The following RAD9B variants were observed in gnomAD, a reference collection of about 807,000 sequenced individuals.
RAD9B encodes the protein RAD9 checkpoint clamp component B.
RAD9B carries 41 observed loss-of-function variants against 48.3 expected under a neutral mutation model. The ratio of observed to expected loss-of-function variants is 0.85; its 90% CI spans 0.66 to 1.10. The LOEUF (loss-of-function observed/expected upper bound fraction) is 1.10. Among genes scored for constraint, RAD9B ranks in the 50% least tolerant of loss-of-function variants. RAD9B has a pLI of 0.00. For missense variants in RAD9B, 444 were observed against 485.1 expected, an observed-to-expected ratio of 0.92 and a Z score of 0.80; for synonymous variants, 160 against 157.9, an observed-to-expected ratio of 1.01 and a Z score of -0.10.
chr12:110,519,689 G>A (rs1479935479), intron 8 of RAD9B, 105 bp from the exon 9 acceptor site: 3 of 1,300,162 alleles, frequency 2.3e-6, no homozygotes, highest in Admixed American at 5.4e-5. Context: ...ACCCGCCTTG[G>A]CCTCCCCTGT....
chr12:110,503,420 G>T, intron 1 of RAD9B: 1 of 180,648 alleles, frequency 5.5e-6, no homozygotes, highest in South Asian at 9.8e-5. Context: ...TGGCTATCAA[G>T]CTATTAAAAC....
chr12:110,505,835 C>T, intron 3 of RAD9B, 63 bp downstream of exon 3: 2 of 1,298,786 alleles, frequency 1.5e-6, no homozygotes, highest in Non-Finnish European at 2.2e-6. Context: ...TAGGACATAA[C>T]CTGTATTCTA....
In RAD9B at chr12:110,532,855, T is replaced by TG. The variant is rs1379675601; in HGVS notation, c.*2203dup. On this transcript the variant is annotated 3_prime_UTR_variant, in exon 11 of 11. Transcript: ENST00000409300. Reference sequence around the variant, plus strand: ...CAACAGGCTATTCATATAGCCCAGATGTGTAGTAGGCTAGACCATCTAGGC... The same window carrying TG: ...CAACAGGCTATTCATATAGCCCAGATGGTGTAGTAGGCTAGACCATCTAGGC... Among the ~76,000 whole-genome samples the TG allele has an allele frequency of 7.2e-5, 11 of 152,234 alleles. No homozygotes were observed. Among genetic ancestry groups the TG allele is most frequent in the African/African-American group, 2.7e-4 (11 of 41,456 alleles).
chr12:110,531,708 T>A lies in RAD9B; in HGVS notation c.*1055T>A. 1 of 1,430,710 alleles carries A rather than the reference T, an allele frequency of 7.0e-7. No individual in the cohort carries two copies. Among genetic ancestry groups the A allele is most frequent in the Non-Finnish European group, 9.6e-7 (1 of 1,042,124 alleles). 88.6% of individuals were successfully genotyped at this position (1,430,710 alleles called of 1,614,324 possible). A position where few individuals can be genotyped will look rare whatever the true frequency, so the allele number is the denominator to read the frequency against. ...GTGGAAGACAAATGTCTCTGTTCTT[T>A]GGCCCTTTAAGAGTTAGCTTTTTAC... On this transcript the variant is annotated 3_prime_UTR_variant, in exon 11 of 11. Transcript: ENST00000409300.
rs2064151379 is a variant in RAD9B, at chr12:110,531,934, T to C, written c.*1281T>C. 3.2e-6 allele frequency: 1 copy of C among 317,134 alleles called. No homozygotes were observed. The highest frequency in any genetic ancestry group is 4.5e-5 in the South Asian group (1 of 22,158). 19.6% of individuals were successfully genotyped at this position (317,134 alleles called of 1,614,324 possible). On this transcript the variant is annotated 3_prime_UTR_variant, in exon 11 of 11. Transcript: ENST00000409300. ...TGGCAAGCAGTTGTACTTTAGACTTTGTGAGAAATTCATAAAGGTGGCTGA... is the reference window on the plus strand; with the variant it reads ...TGGCAAGCAGTTGTACTTTAGACTTCGTGAGAAATTCATAAAGGTGGCTGA...
At chr12:110,519,043 C>G (rs1173385332) in intron 8 of RAD9B, 105 bp downstream of exon 8, 5 of 746,392 alleles carry the variant, frequency 6.7e-6, no homozygotes, top group Non-Finnish European at 1.1e-5. Context: ...AATACCTAAA[C>G]TTTACTATTA....
intron 9 of RAD9B, among the ~76,000 whole-genome samples, chr12:110,521,128 T>C (rs1178888557): frequency 6.6e-6 from 1 of 152,088 alleles, no homozygotes. Context: ...CTTTCAGACT[T>C]AATTTTGTGT....
intron 3 of RAD9B, 54 bp downstream of exon 3, chr12:110,505,826 A>G: frequency 7.1e-7 from 1 of 1,406,604 alleles, no homozygotes; most frequent in Non-Finnish European, 9.9e-7. Flanking sequence ...TTCATTATAT[A>G]GGACATAACC....
intron 2 of RAD9B, 147 bp downstream of exon 2, chr12:110,504,023 A>C: frequency 1.9e-6 from 1 of 535,668 alleles, no homozygotes. Context: ...GAATACACTT[A>C]GAGCATGGTA....
rs370227201 is a variant in RAD9B at position 110,506,541 on chromosome 12, T to C, written c.274-38T>C. ...TTTTGTTTCTAAAATGAATCAACCA[T>C]GTTAAGTATGTGCTTAATATGTATA... On this transcript the variant is annotated intron_variant, in intron 3 of 10. Coordinates refer to ENST00000409300, the MANE Select transcript of RAD9B (RefSeq NM_001286535.2). The C allele has an allele frequency of 2.3e-4, 228 of 989,556 alleles. 1 individual carries two copies. Among genetic ancestry groups the C allele is most frequent in the South Asian group, 7.8e-4 (60 of 76,870 alleles). 61.3% of individuals were successfully genotyped at this position (989,556 alleles called of 1,614,324 possible).
chr12:110,509,072 C>T (rs2063380262), intron 4 of RAD9B, among the ~76,000 whole-genome samples: 1 of 152,180 alleles, frequency 6.6e-6, no homozygotes, highest in African/African-American at 2.4e-5. Flanking sequence ...TCACGCCATT[C>T]TCCTGCCTCA....
Position 110,518,860 on chromosome 12 carries a change from T to G in RAD9B, c.703-14T>G. The G allele has an allele frequency of 1.3e-6, 2 of 1,575,582 alleles. No individual in the cohort carries two copies. The highest frequency in any genetic ancestry group is 1.4e-5 in the African/African-American group (1 of 73,466). On this transcript the variant is annotated splice_polypyrimidine_tract_variant and intron_variant, in intron 7 of 10. Transcript: ENST00000409300. ...ATAAGGATTTTAAGTTTTTTTCTTC[T>G]TTTCTTTTTTCAGGGAATACTGACA...
At chr12:110,507,008 T>A (rs1407594993) in intron 4 of RAD9B, among the ~76,000 whole-genome samples, 1 of 151,924 alleles carries the variant, frequency 6.6e-6, no homozygotes, top group African/African-American at 2.4e-5. Flanking sequence ...CCCAGCTAAT[T>A]TTTGTATTTT....
intron 4 of RAD9B, among the ~76,000 whole-genome samples, chr12:110,507,488 TACATA>T (rs1370214090): frequency 1.7e-4 from 2 of 11,692 alleles, no homozygotes; most frequent in East Asian, 0.042. Context: ...TTAAATATAA[TACATA>T]ATATATGTAT....
At chr12:110,527,219 C>A (rs1040219146) in intron 10 of RAD9B, among the ~76,000 whole-genome samples, 1 of 152,118 alleles carries the variant, frequency 6.6e-6, no homozygotes, top group African/African-American at 2.4e-5. Flanking sequence ...CAGCAACGGC[C>A]GTTTTTTCCA....
At position 110,502,363 on chromosome 12, in the gene RAD9B, T is replaced by C. The variant is rs1386201081; in HGVS notation, c.26T>C (p.Met9Thr). The C allele has an allele frequency of 1.2e-6, 2 of 1,613,846 alleles. No homozygotes were observed. The highest frequency in any genetic ancestry group is 8.5e-7 in the Non-Finnish European group (1 of 1,179,848). The change falls in exon 1 of 11, where the codon ATG becomes ACG. Residue 9 changes from methionine to threonine, a missense_variant. Met to Thr is a moderately conservative substitution (Grantham distance 81). Coordinates refer to ENST00000409300, the MANE Select transcript of RAD9B (RefSeq NM_001286535.2). ...ATGGCAGCCATGCTGAAGTGCGTGA[T>C]GAGCGGCAGTCAGGTGAAAGGTGGA... MAAMLKCV[M>T]SGSQVKVFGK...
intron 4 of RAD9B, among the ~76,000 whole-genome samples, chr12:110,511,947 A>G (rs543369992): frequency 6.6e-6 from 1 of 152,006 alleles, no homozygotes; most frequent in Non-Finnish European, 1.5e-5. Flanking sequence ...CCTGGGTTCA[A>G]GTGATTCTCC....
At chr12:110,520,978 G>A (rs1391339909) in intron 9 of RAD9B, among the ~76,000 whole-genome samples, 1 of 151,480 alleles carries the variant, frequency 6.6e-6, no homozygotes, top group African/African-American at 2.4e-5. Flanking sequence ...CTTTTCTTTT[G>A]GGGGAAGAAT....
intron 10 of RAD9B, among the ~76,000 whole-genome samples, chr12:110,526,541 G>A (rs1052695833): frequency 6.6e-6 from 1 of 152,184 alleles, no homozygotes; most frequent in Non-Finnish European, 1.5e-5. Context: ...AGACACAGGT[G>A]CTGTATTTAG....
Sources: allele counts gnomAD v4.1 joint callset (sites outside exome capture counted in the v4.1 genomes callset), GRCh38; gene constraint gnomAD v4.1.1; transcripts MANE v1.5; gene names NCBI Gene and HGNC (gene_info 2026-07-23, HGNC 2026-07-21).